Variants in ACYP2 observed in about 807,000 individuals in gnomAD.
ACYP2 encodes acylphosphatase 2.
A neutral mutation model predicts 11.2 loss-of-function variants in ACYP2; 12 were observed. The observed-to-expected ratio is 1.08, with a 90% confidence interval of 0.69 to 1.74. ACYP2 has a LOEUF of 1.74. Ranked by LOEUF, ACYP2 falls within the 40% of genes most tolerant of loss-of-function variation. ACYP2 has a pLI of 0.00. For synonymous variants in ACYP2, 43 were observed against 32.2 expected, an observed-to-expected ratio of 1.33 and a Z score of -1.13; for missense variants, 134 against 101.9, an observed-to-expected ratio of 1.31 and a Z score of -1.35.
chr2:54,003,644 T>C (rs1409920635), intron 2 of ACYP2, among the ~76,000 whole-genome samples: 1 of 152,194 alleles, frequency 6.6e-6, no homozygotes, highest in Non-Finnish European at 1.5e-5. Context: ...TATTGTAAGG[T>C]ATCTTGTTTT....
intron 2 of ACYP2, among the ~76,000 whole-genome samples, chr2:53,974,980 A>C (rs1212868641): frequency 6.6e-6 from 1 of 152,194 alleles, no homozygotes; most frequent in East Asian, 1.9e-4. Context: ...CGCCTGAGCA[A>C]GGGATCTAGA....
chr2:54,255,095 A>G (rs750300842), intron 6 of ACYP2: 1 of 1,614,194 alleles, frequency 6.2e-7, no homozygotes, highest in East Asian at 2.2e-5. Context: ...TCTGAAAACC[A>G]GGTGAAGAAG....
intron 4 of ACYP2, among the ~76,000 whole-genome samples, chr2:54,120,161 C>CT (rs201538398): frequency 5.9e-5 from 9 of 152,194 alleles, no homozygotes; most frequent in Admixed American, 2.0e-4. Context: ...TAAAGTTACT[C>CT]TTTTTTTTCT....
intron 6 of ACYP2, among the ~76,000 whole-genome samples, chr2:54,293,204 T>TG (rs1405824687): frequency 6.6e-6 from 1 of 152,202 alleles, no homozygotes; most frequent in Non-Finnish European, 1.5e-5. Context: ...CTAAGCATAC[T>TG]GACTCTAAAG....
intron 6 of ACYP2, among the ~76,000 whole-genome samples, chr2:54,210,711 G>A (rs1685297466): frequency 7.0e-6 from 1 of 142,638 alleles, no homozygotes; most frequent in Non-Finnish European, 1.5e-5. Flanking sequence ...GTCTCTAATT[G>A]GAAATTAGGC....
At chr2:54,279,652 T>C (rs978303394) in intron 6 of ACYP2, among the ~76,000 whole-genome samples, 1 of 152,080 alleles carries the variant, frequency 6.6e-6, no homozygotes, top group African/African-American at 2.4e-5. Context: ...CTGGAAGCCC[T>C]ACCCTACCTT....
intron 4 of ACYP2, among the ~76,000 whole-genome samples, chr2:54,095,513 G>C (rs923549671): frequency 3.3e-5 from 5 of 150,598 alleles, no homozygotes; most frequent in African/African-American, 1.2e-4. Context: ...TGGGCGGGGG[G>C]CTGACCCCCC....
At chr2:54,231,924 T>C (rs560710699) in intron 6 of ACYP2, among the ~76,000 whole-genome samples, 1 of 152,348 alleles carries the variant, frequency 6.6e-6, no homozygotes, top group African/African-American at 2.4e-5. Flanking sequence ...ACAGCAATCC[T>C]TTCAGGAAAT....
intron 6 of ACYP2, among the ~76,000 whole-genome samples, chr2:54,211,926 T>A (rs1046415983): frequency 1.3e-5 from 2 of 152,154 alleles, no homozygotes; most frequent in African/African-American, 4.8e-5. Flanking sequence ...CTCTCTCTTT[T>A]TTTCTGACTT....
Position 54,047,774 on chromosome 2 carries a change from A to AT in ACYP2, c.63-3178dup, listed in dbSNP as rs556653440. The stretch of plus-strand genomic sequence containing the variant: ...AACAAATTTTTAAAGTGTGAGATGG[A>AT]TTTTTTAAAAAGGTTGTAATACATT... On this transcript the variant is annotated intron_variant, in intron 2 of 6. Coordinates refer to ENST00000607452, the MANE Select transcript of ACYP2 (RefSeq NM_001320586.2). Among the ~76,000 whole-genome samples the AT allele has an allele frequency of 4.7e-4, 72 of 152,342 alleles. 1 individual carries two copies. The South Asian group carries it at 0.014, about 30-fold the overall frequency.
intron 4 of ACYP2, among the ~76,000 whole-genome samples, chr2:54,078,709 C>T (rs1370862466): frequency 1.3e-5 from 2 of 151,750 alleles, no homozygotes; most frequent in Non-Finnish European, 2.9e-5. Flanking sequence ...AAGCAATTCT[C>T]CTGCCTCCGC....
chr2:54,206,809 T>C (rs13407957), intron 6 of ACYP2, among the ~76,000 whole-genome samples: 7,035 of 152,276 alleles, frequency 0.046, 541 homozygotes, highest in African/African-American at 0.16. Context: ...CTATAAACCA[T>C]AGAGGGAACT....
At chr2:54,210,383 A>C (rs1685284144) in intron 6 of ACYP2, among the ~76,000 whole-genome samples, 1 of 151,926 alleles carries the variant, frequency 6.6e-6, no homozygotes, top group African/African-American at 2.4e-5. Flanking sequence ...ATACAAACAT[A>C]TAATTTTTGT....
chr2:54,184,152 G>A (rs866287441), intron 6 of ACYP2, among the ~76,000 whole-genome samples: 1 of 152,162 alleles, frequency 6.6e-6, no homozygotes, highest in African/African-American at 2.4e-5. Context: ...GTAGTTGGAA[G>A]CAGGGTCTGT....
chr2:54,185,475 C>A (rs1315221546), intron 6 of ACYP2, among the ~76,000 whole-genome samples: 1 of 152,156 alleles, frequency 6.6e-6, no homozygotes, highest in Admixed American at 6.6e-5. Flanking sequence ...GCCAACAAAT[C>A]TCTATTGTTT....
intron 6 of ACYP2, among the ~76,000 whole-genome samples, chr2:54,293,274 A>C (rs1558673934): frequency 6.6e-6 from 1 of 152,230 alleles, no homozygotes; most frequent in Non-Finnish European, 1.5e-5. Context: ...ATAAAACAGA[A>C]AGAAGGGCAT....
At chr2:53,975,884 C>A (rs1238839150) in intron 2 of ACYP2, among the ~76,000 whole-genome samples, 1 of 152,122 alleles carries the variant, frequency 6.6e-6, no homozygotes, top group African/African-American at 2.4e-5. Context: ...TGGAGGGAGA[C>A]ACTGACTTCT....
chr2:54,247,221 T>G (rs1446739493), intron 6 of ACYP2, among the ~76,000 whole-genome samples: 1 of 152,194 alleles, frequency 6.6e-6, no homozygotes. Flanking sequence ...TCATCTCACT[T>G]CTGGGACTTC....
Position 54,138,724 on chromosome 2 carries a change from G to C in ACYP2, c.380G>C (p.Gly127Ala). The C allele has an allele frequency of 3.1e-6, 5 of 1,613,846 alleles. No homozygotes were observed. The highest frequency in any genetic ancestry group is 4.2e-6 in the Non-Finnish European group (5 of 1,179,902). The change falls in exon 6 of 7, where the codon GGG becomes GCG. Residue 127 changes from glycine (G) to alanine (A), a missense_variant. Transcript: ENST00000607452. Reference sequence around the variant, plus strand: ...GGCACCGTGACAGGCCAAGTGCAGGGGCCAGAAGACAAAGTCAATTCCATG... The same window carrying C: ...GGCACCGTGACAGGCCAAGTGCAGGCGCCAGAAGACAAAGTCAATTCCATG...
Sources: gnomAD v4.1 joint callset for allele counts (sites outside exome capture counted in the v4.1 genomes callset) on GRCh38, gnomAD v4.1.1 for gene constraint, MANE v1.5 for transcripts, NCBI Gene and HGNC (gene_info 2026-07-23, HGNC 2026-07-21) for gene names.